The following NSD3 variants were observed in gnomAD, a reference collection of about 807,000 sequenced individuals.
NSD3 encodes nuclear receptor binding SET domain protein 3.
Under a neutral mutation model 160.8 loss-of-function variants are expected in NSD3, and 24 were observed. The observed-to-expected ratio is 0.15, with a 90% confidence interval of 0.11 to 0.21. NSD3 has a LOEUF of 0.21. Ranked by LOEUF, NSD3 falls within the 10% of genes least tolerant of loss-of-function variation. The probability of loss-of-function intolerance (pLI) is 1.00; values close to 1 mark genes in which losing one functional copy is unlikely to be tolerated. For missense variants in NSD3, 1,157 were observed against 1,735.9 expected, an observed-to-expected ratio of 0.67 and a Z score of 5.93; for synonymous variants, 520 against 600.0, an observed-to-expected ratio of 0.87 and a Z score of 1.95.
intron 7 of NSD3, among the ~76,000 whole-genome samples, chr8:38,323,121 C>T (rs1809829955): frequency 6.6e-6 from 1 of 152,144 alleles, no homozygotes; most frequent in South Asian, 2.1e-4. Context: ...ATGGCGCGAT[C>T]TTGGCTCACT....
Position 38,275,880 on chromosome 8 carries a change from T to C in NSD3, c.4075A>G (p.Lys1359Glu). The C allele has an allele frequency of 6.2e-7, 1 of 1,613,014 alleles. No individual in the cohort carries two copies. Among genetic ancestry groups the C allele is most frequent in the East Asian group, 2.2e-5 (1 of 44,852 alleles). ...CLNLTQPPYG[K>E]WECPWHQCDE... ...CACTGATGCCACGGACACTCCCACT[T>C]TCCTAATTCGGGGAGATGGGGAGGA... The change falls in exon 24 of 24, where the codon AAG (lysine) becomes GAG (glutamate). Residue 1359 changes from lysine to glutamate, a missense_variant and splice_region_variant. Physicochemically the swap from Lys to Glu is moderately conservative, Grantham distance 56. Transcript: ENST00000317025.
chr8:38,378,915 T>C (rs932536789), intron 1 of NSD3, among the ~76,000 whole-genome samples: 3 of 151,724 alleles, frequency 2.0e-5, no homozygotes, highest in African/African-American at 7.3e-5. Flanking sequence ...CATAGCACAG[T>C]GTGAGGACAA....
intron 2 of NSD3, among the ~76,000 whole-genome samples, chr8:38,339,164 C>T (rs1810299766): frequency 6.6e-6 from 1 of 151,096 alleles, no homozygotes; most frequent in African/African-American, 2.4e-5. Context: ...AAAAAAAAAC[C>T]CACTTAATTT....
intron 2 of NSD3, among the ~76,000 whole-genome samples, chr8:38,345,290 G>A (rs1192942006): frequency 4.5e-5 from 6 of 133,528 alleles, no homozygotes; most frequent in Non-Finnish European, 4.8e-5. Context: ...AAGGGACGAG[G>A]GGGTAGGATG....
intron 7 of NSD3, among the ~76,000 whole-genome samples, chr8:38,326,453 G>GT (rs1809913690): frequency 6.6e-6 from 1 of 152,162 alleles, no homozygotes; most frequent in Non-Finnish European, 1.5e-5. Context: ...AGTCGATGGT[G>GT]TATTTACTCA....
chr8:38,311,375 T>C (rs1445350248), intron 12 of NSD3, among the ~76,000 whole-genome samples: 6 of 152,230 alleles, frequency 3.9e-5, no homozygotes, highest in Admixed American at 3.9e-4. Context: ...TTGCCCAGGC[T>C]GGAGTGCAAT....
chr8:38,293,416 G>A (rs1809054610), intron 16 of NSD3, among the ~76,000 whole-genome samples: 1 of 151,640 alleles, frequency 6.6e-6, no homozygotes, highest in South Asian at 2.1e-4. Flanking sequence ...CAGGCGTGGT[G>A]GAGCGTGCCT....
chr8:38,325,756 C>T (rs1017541378), intron 7 of NSD3, among the ~76,000 whole-genome samples: 2 of 151,824 alleles, frequency 1.3e-5, no homozygotes, highest in African/African-American at 4.8e-5. Context: ...ACCTAGGAGG[C>T]TGAGGTGAGA....
At chr8:38,355,159 A>G (rs1364462965) in intron 1 of NSD3, among the ~76,000 whole-genome samples, 1 of 152,148 alleles carries the variant, frequency 6.6e-6, no homozygotes, top group Non-Finnish European at 1.5e-5. Flanking sequence ...AACTAAGTTC[A>G]AAAGCATACT....
At chr8:38,353,883 A>C (rs1187622420) in intron 1 of NSD3, among the ~76,000 whole-genome samples, 1 of 152,216 alleles carries the variant, frequency 6.6e-6, no homozygotes, top group Non-Finnish European at 1.5e-5. Flanking sequence ...CTTGAAAAAT[A>C]ATCAGTCTCC....
At chr8:38,295,774 C>A in intron 16 of NSD3, 22 bp downstream of exon 16, 1 of 1,609,646 alleles carries the variant, frequency 6.2e-7, no homozygotes, top group Non-Finnish European at 8.5e-7. Flanking sequence ...AATACTTCCT[C>A]TTTGTTCTTG....
In NSD3 at chr8:38,373,443, CT is replaced by C. The variant is rs558973837; in HGVS notation, c.-45+8355del. ...ATACTGTACATTCAAGTTTTATATGCTTTTTTTTATATTTCACATTTCATAA... is the reference window on the plus strand; with the variant it reads ...ATACTGTACATTCAAGTTTTATATGCTTTTTTTATATTTCACATTTCATAA... On this transcript the variant is annotated intron_variant, in intron 1 of 23. Transcript: ENST00000317025. Among the ~76,000 whole-genome samples, 858 of 152,010 alleles carry C rather than the reference CT, an allele frequency of 5.6e-3. 1 individual carries two copies. Among genetic ancestry groups the C allele is most frequent in the Non-Finnish European group, 7.4e-3 (501 of 67,964 alleles).
rs76454134 is a variant in NSD3 at position 38,338,340 on chromosome 8, A to C, written c.747+196T>G. 3.3e-4 allele frequency among the ~76,000 whole-genome samples: 50 copies of C among 152,230 alleles called. No individual in the cohort carries two copies. The East Asian group carries it at 9.4e-3, about 29-fold the overall frequency. On this transcript the variant is annotated intron_variant, in intron 3 of 23. Transcript: ENST00000317025. The stretch of plus-strand genomic sequence containing the variant: ...AAAAATACACATGATCAATTGAAAA[A>C]AAAACAGGTCATAGTTTTGAAAAGG...
chr8:38,331,717 T>C (rs770603885), intron 4 of NSD3, 132 bp from the exon 5 acceptor site: 50 of 865,104 alleles, frequency 5.8e-5, no homozygotes, highest in Non-Finnish European at 8.6e-5. Flanking sequence ...TGTCCAAAGA[T>C]ATGTTCCAAT....
At chr8:38,287,716 G>A (rs958961326) in intron 19 of NSD3, among the ~76,000 whole-genome samples, 17 of 150,762 alleles carry the variant, frequency 1.1e-4, no homozygotes, top group East Asian at 3.9e-4. Flanking sequence ...GCGGTGGCAC[G>A]ATCTCAACTC....
chr8:38,306,307 C>T (rs1809391822), intron 12 of NSD3, among the ~76,000 whole-genome samples: 1 of 151,816 alleles, frequency 6.6e-6, no homozygotes, highest in Non-Finnish European at 1.5e-5. Flanking sequence ...GATGAACGGA[C>T]AGATTCCTAG....
In NSD3 at chr8:38,289,512, A is replaced by G. The variant is rs1469923441; in HGVS notation, c.3119-7T>C. The G allele has an allele frequency of 3.1e-6, 5 of 1,610,590 alleles. No homozygotes were observed. The highest frequency in any genetic ancestry group is 2.2e-5 in the East Asian group (1 of 44,870). On this transcript the variant is annotated splice_polypyrimidine_tract_variant and splice_region_variant and intron_variant, in intron 17 of 23. Coordinates refer to ENST00000317025, the MANE Select transcript of NSD3 (RefSeq NM_023034.2). ...TTTGCAGCTTCTTCCAGTGCTGCCA[A>G]TAAGATGATACAAAGTATGTAAATA... is the stretch of plus-strand genomic sequence containing the variant.
chr8:38,343,071 C>T (rs1810417657), intron 2 of NSD3, among the ~76,000 whole-genome samples: 2 of 151,666 alleles, frequency 1.3e-5, no homozygotes, highest in Non-Finnish European at 2.9e-5. Context: ...TGACGCACAC[C>T]TGTAATTCCA....
At chr8:38,326,997 C>T in intron 6 of NSD3, 141 bp from the exon 7 acceptor site, 1 of 907,210 alleles carries the variant, frequency 1.1e-6, no homozygotes, top group African/African-American at 1.7e-5. Context: ...GTTATCTTAG[C>T]CTTTATCAGA....
Sources: gnomAD v4.1 joint callset for allele counts (sites outside exome capture counted in the v4.1 genomes callset) on GRCh38, gnomAD v4.1.1 for gene constraint, MANE v1.5 for transcripts, NCBI Gene and HGNC (gene_info 2026-07-23, HGNC 2026-07-21) for gene names.